EIF4G3: variants seen among roughly 807,000 people sequenced by gnomAD.
EIF4G3 encodes eIF-4-gamma 3.
A neutral mutation model predicts 186.4 loss-of-function variants in EIF4G3; 34 were observed. The ratio of observed to expected loss-of-function variants is 0.18; its 90% confidence interval spans 0.14 to 0.24. The LOEUF is 0.24. Among genes scored for constraint, EIF4G3 ranks in the 10% least tolerant of loss-of-function variants. The pLI, the probability that EIF4G3 is intolerant of heterozygous loss-of-function variation, is 1.00. For synonymous variants in EIF4G3, 673 were observed against 679.5 expected (o/e 0.99, Z 0.15); for missense variants, 1,536 against 1,948.5 (o/e 0.79, Z 3.99).
intron 20 of EIF4G3, 73 bp from the exon 21 acceptor site, chr1:20,865,335 T>C (rs549944510): frequency 1.9e-6 from 3 of 1,539,146 alleles, no homozygotes; most frequent in East Asian, 2.3e-5. Context: ...GTTTGCTTTA[T>C]TGTATGAAAT....
intron 14 of EIF4G3, among the ~76,000 whole-genome samples, chr1:20,918,997 T>C (rs1374909280): frequency 2.6e-5 from 4 of 152,208 alleles, no homozygotes; most frequent in Non-Finnish European, 5.9e-5. Context: ...ATGGGCTATT[T>C]CTACACTCAC....
intron 2 of EIF4G3, among the ~76,000 whole-genome samples, chr1:21,146,110 T>C (rs905182105): frequency 4.6e-4 from 70 of 150,722 alleles, no homozygotes; most frequent in African/African-American, 1.6e-3. Context: ...CTAAAAAAAA[T>C]TGAGGAGTAG....
intron 8 of EIF4G3, among the ~76,000 whole-genome samples, chr1:20,981,542 T>C (rs1006540377): frequency 3.0e-5 from 4 of 132,070 alleles, no homozygotes; most frequent in African/African-American, 6.9e-5. Flanking sequence ...TATACGCACA[T>C]ACTGTATGTA....
At chr1:20,962,131 C>G (rs529878850) in intron 12 of EIF4G3, among the ~76,000 whole-genome samples, 95 of 152,218 alleles carry the variant, frequency 6.2e-4, no homozygotes, top group Non-Finnish European at 1.2e-3. Flanking sequence ...ACTATTACTG[C>G]TAAACCATGA....
intron 26 of EIF4G3, among the ~76,000 whole-genome samples, chr1:20,853,892 T>C (rs1245202314): frequency 1.3e-5 from 2 of 152,132 alleles, no homozygotes; most frequent in Non-Finnish European, 1.5e-5. Context: ...ATTTCAACCA[T>C]TGGTTCCTTT....
intron 4 of EIF4G3, among the ~76,000 whole-genome samples, chr1:21,013,946 G>C (rs1008485666): frequency 1.3e-5 from 2 of 152,180 alleles, no homozygotes; most frequent in African/African-American, 4.8e-5. Flanking sequence ...GAGGTGGGTG[G>C]ATCACCTGAG....
At chr1:21,098,540 G>GGAA (rs2096437145) in intron 2 of EIF4G3, among the ~76,000 whole-genome samples, 1 of 72,720 alleles carries the variant, frequency 1.4e-5, no homozygotes, top group African/African-American at 4.8e-5. Context: ...GCCCTGTCTC[G>GGAA]AAAAAAAAAA....
intron 4 of EIF4G3, among the ~76,000 whole-genome samples, chr1:21,007,096 A>T (rs1399848973): frequency 6.6e-6 from 1 of 152,054 alleles, no homozygotes; most frequent in Admixed American, 6.5e-5. Context: ...AAGCTGCCAA[A>T]TTTTCAAAGA....
chr1:20,899,902 T>C lies in EIF4G3; in HGVS notation c.1794A>G (p.Glu598=). Residue 598 remains glutamate, a synonymous_variant, in exon 16 of 37, where the codon GAA becomes GAG. Coordinates refer to ENST00000602326, the MANE Select transcript of EIF4G3 (RefSeq NM_001391906.1). ...EEELSIDKVL[E]SEQDKMSQGF... ...CCTGGCTCATTTTATCTTGTTCAGA[T>C]TCAAGTACTTTGTCAATGGAAAGCT... The C allele has an allele frequency of 6.2e-7, 1 of 1,613,742 alleles. No homozygotes were observed. The highest frequency in any genetic ancestry group is 8.5e-7 in the Non-Finnish European group (1 of 1,179,930).
intron 13 of EIF4G3, among the ~76,000 whole-genome samples, chr1:20,948,667 A>C (rs1012491526): frequency 3.9e-5 from 6 of 152,178 alleles, no homozygotes; most frequent in Non-Finnish European, 8.8e-5. Context: ...AAAAACCTTT[A>C]ATATTAAATA....
At chr1:21,150,912 G>T (rs2097538874) in intron 2 of EIF4G3, among the ~76,000 whole-genome samples, 1 of 152,116 alleles carries the variant, frequency 6.6e-6, no homozygotes, top group African/African-American at 2.4e-5. Flanking sequence ...GGAGGCAGAG[G>T]TTGCAGTGAG....
At chr1:21,094,819 T>C (rs1232483931) in intron 2 of EIF4G3, among the ~76,000 whole-genome samples, 1 of 148,022 alleles carries the variant, frequency 6.8e-6, no homozygotes, top group Non-Finnish European at 1.5e-5. Flanking sequence ...CCAGGATTTC[T>C]TTTTGTAAAT....
At chr1:20,902,704 A>T (rs1336745375) in intron 15 of EIF4G3, among the ~76,000 whole-genome samples, 1 of 152,118 alleles carries the variant, frequency 6.6e-6, no homozygotes, top group Non-Finnish European at 1.5e-5. Context: ...GCACTGGCAC[A>T]ATCTTGGCTC....
chr1:21,087,020 G>A (rs1557892209), intron 3 of EIF4G3, among the ~76,000 whole-genome samples: 1 of 151,692 alleles, frequency 6.6e-6, no homozygotes, highest in African/African-American at 2.4e-5. Flanking sequence ...CTATGTATAT[G>A]TAACTCTTGA....
chr1:20,960,523 A>C (rs1156799866), intron 12 of EIF4G3, among the ~76,000 whole-genome samples: 1 of 152,164 alleles, frequency 6.6e-6, no homozygotes, highest in Admixed American at 6.6e-5. Context: ...AGGCTGAGGC[A>C]GGATTATCGC....
intron 35 of EIF4G3, among the ~76,000 whole-genome samples, chr1:20,812,703 AAT>A (rs2059495949): frequency 6.6e-6 from 1 of 152,232 alleles, no homozygotes; most frequent in Non-Finnish European, 1.5e-5. Flanking sequence ...TATCATATCA[AAT>A]AAAGTCAACA....
intron 4 of EIF4G3, among the ~76,000 whole-genome samples, chr1:21,012,557 G>T (rs561848159): frequency 6.6e-6 from 1 of 152,200 alleles, no homozygotes; most frequent in African/African-American, 2.4e-5. Context: ...ACAACATACC[G>T]ACCAAAGTAC....
chr1:20,828,029 GTTTT>G (rs67354523), intron 31 of EIF4G3, among the ~76,000 whole-genome samples: 1 of 127,414 alleles, frequency 7.8e-6, no homozygotes. Flanking sequence ...CTTTTATAAA[GTTTT>G]TTTTTTTTTT....
intron 12 of EIF4G3, among the ~76,000 whole-genome samples, chr1:20,966,136 C>G (rs923426082): frequency 6.6e-6 from 1 of 152,174 alleles, no homozygotes; most frequent in African/African-American, 2.4e-5. Flanking sequence ...ACTGGGACTT[C>G]CCTCGGTGAT....
Sources: allele counts gnomAD v4.1 joint callset (sites outside exome capture counted in the v4.1 genomes callset), GRCh38; gene constraint gnomAD v4.1.1; transcripts MANE v1.5; gene names NCBI Gene and HGNC (gene_info 2026-07-23, HGNC 2026-07-21).